The following SGCG variants were observed in gnomAD, a reference collection of about 807,000 sequenced individuals.
SGCG encodes sarcoglycan gamma.
Under a neutral mutation model 29.3 loss-of-function variants are expected in SGCG, and 26 were observed. The ratio of observed to expected loss-of-function variants is 0.89; its 90% CI spans 0.65 to 1.23. SGCG has a LOEUF of 1.23. Among genes scored for constraint, SGCG ranks in the 50% most tolerant of loss-of-function variants. The pLI is 0.00. For synonymous variants in SGCG, 145 were observed against 129.7 expected, an observed-to-expected ratio of 1.12 and a Z score of -0.80; for missense variants, 353 against 356.0, an observed-to-expected ratio of 0.99 and a Z score of 0.07.
In SGCG at chr13:23,297,063, C is replaced by G. The variant is rs1881933346; in HGVS notation, c.578+1576C>G. On this transcript the variant is annotated intron_variant, in intron 6 of 7. Coordinates refer to ENST00000218867, the MANE Select transcript of SGCG (RefSeq NM_000231.3). ...GTACAGTAGGAATCCCAGCTTTACA[C>G]AGACAAGCCGGCTGACCATGGCCAA... Among the ~76,000 whole-genome samples, 6 of 152,160 alleles carry G rather than the reference C, an allele frequency of 3.9e-5. No individual in the cohort carries two copies. In the South Asian group the frequency reaches 1.2e-3, roughly 32 times the overall value.
chr13:23,248,066 G>A (rs1194417081), intron 3 of SGCG, among the ~76,000 whole-genome samples: 2 of 151,250 alleles, frequency 1.3e-5, no homozygotes, highest in South Asian at 2.1e-4. Context: ...CTTGAGCCCA[G>A]GAGTTTGAGA....
chr13:23,205,208 T>C (rs1877940410), intron 2 of SGCG, among the ~76,000 whole-genome samples: 1 of 152,226 alleles, frequency 6.6e-6, no homozygotes, highest in African/African-American at 2.4e-5. Context: ...TTAGTTCCAC[T>C]GGACAATGTT....
intron 2 of SGCG, among the ~76,000 whole-genome samples, chr13:23,208,473 T>A (rs968816312): frequency 6.6e-6 from 1 of 152,024 alleles, no homozygotes; most frequent in Admixed American, 6.6e-5. Context: ...CAAAGAATAT[T>A]AAAAATTTAA....
chr13:23,169,947 C>T, the SGCG span: 1 of 152,360 alleles, frequency 6.6e-6, no homozygotes, highest in East Asian at 1.9e-4. Flanking sequence ...TTTTCTCTGT[C>T]CTCAGCCCTG....
At chr13:23,195,708 A>C (rs1047905050) in intron 1 of SGCG, among the ~76,000 whole-genome samples, 1 of 151,866 alleles carries the variant, frequency 6.6e-6, no homozygotes, top group African/African-American at 2.4e-5. Flanking sequence ...TAAGGGTATT[A>C]TTATTCGAGA....
intron 2 of SGCG, among the ~76,000 whole-genome samples, chr13:23,226,543 T>G (rs1213277288): frequency 6.6e-6 from 1 of 152,238 alleles, no homozygotes; most frequent in East Asian, 1.9e-4. Flanking sequence ...CTGACACTTG[T>G]GTTCAACACA....
chr13:23,286,557 A>T lies in SGCG; in HGVS notation c.505+7079A>T, dbSNP rs547204233. Among the ~76,000 whole-genome samples the T allele has an allele frequency of 7.2e-4, 110 of 152,356 alleles. 4 individuals are homozygous for T. The East Asian group carries it at 0.021, about 29-fold the overall frequency. On this transcript the variant is annotated intron_variant, in intron 5 of 7. Transcript: ENST00000218867. ...GGATACGTTCAAAGAGCCCCAGGGG[A>T]TACCTCAAGCTGCAGATAGTACTAA...
At chr13:23,225,597 C>G (rs1878862928) in intron 2 of SGCG, among the ~76,000 whole-genome samples, 1 of 152,136 alleles carries the variant, frequency 6.6e-6, no homozygotes, top group Non-Finnish European at 1.5e-5. Context: ...CCATAACACT[C>G]TTTGAGCCCT....
At chr13:23,290,658 G>A (rs58304239) in intron 5 of SGCG, among the ~76,000 whole-genome samples, 13,289 of 152,190 alleles carry the variant, frequency 0.087, 932 homozygotes, top group African/African-American at 0.19. Context: ...TTGGCTGAAC[G>A]AGAGAAATGG....
intron 3 of SGCG, among the ~76,000 whole-genome samples, chr13:23,249,016 A>G (rs1377209244): frequency 6.7e-6 from 1 of 149,154 alleles, no homozygotes; most frequent in East Asian, 2.0e-4. Context: ...AAAAAAACAA[A>G]CCTCAATTTT....
intron 1 of SGCG, among the ~76,000 whole-genome samples, chr13:23,199,324 A>G (rs926905442): frequency 6.6e-6 from 1 of 152,226 alleles, no homozygotes; most frequent in Non-Finnish European, 1.5e-5. Flanking sequence ...TAAAGGGTTT[A>G]TAAGAAGACC....
At chr13:23,273,235 A>G (rs1170731639) in intron 4 of SGCG, among the ~76,000 whole-genome samples, 1 of 150,926 alleles carries the variant, frequency 6.6e-6, no homozygotes, top group Admixed American at 6.6e-5. Flanking sequence ...CCCAGGCTTC[A>G]GTACAATGGC....
At chr13:23,186,971 G>A (rs75973684) in intron 1 of SGCG, among the ~76,000 whole-genome samples, 5,232 of 152,236 alleles carry the variant, frequency 0.034, 124 homozygotes, top group East Asian at 0.12. Context: ...CCTGGCCACC[G>A]AGTGGCTGCT....
At chr13:23,204,733 T>C (rs1877919873) in intron 2 of SGCG, among the ~76,000 whole-genome samples, 1 of 145,046 alleles carries the variant, frequency 6.9e-6, no homozygotes, top group Non-Finnish European at 1.5e-5. Flanking sequence ...TGAGACGGAG[T>C]CTCACTCTGT....
intron 4 of SGCG, chr13:23,267,491 G>C (rs1880684043): frequency 6.6e-6 from 1 of 152,174 alleles, no homozygotes; most frequent in Non-Finnish European, 1.5e-5. Flanking sequence ...ACACCGTCTT[G>C]GATCCAGAAC....
chr13:23,192,153 C>A, intron 1 of SGCG, among the ~76,000 whole-genome samples: 1 of 134,548 alleles, frequency 7.4e-6, no homozygotes, highest in South Asian at 2.5e-4. Flanking sequence ...CCAGCCTGGG[C>A]GACAGAGTGA....
chr13:23,295,178 AT>A, intron 5 of SGCG, among the ~76,000 whole-genome samples: 1 of 152,146 alleles, frequency 6.6e-6, no homozygotes, highest in Non-Finnish European at 1.5e-5. Context: ...AAGCCTGCTA[AT>A]TTGTAATTGC....
At chr13:23,196,387 G>C (rs1465343342) in intron 1 of SGCG, among the ~76,000 whole-genome samples, 1 of 149,852 alleles carries the variant, frequency 6.7e-6, no homozygotes, top group Admixed American at 6.7e-5. Flanking sequence ...GGGGGTTATT[G>C]TTAACTTTCA....
intron 3 of SGCG, among the ~76,000 whole-genome samples, chr13:23,241,570 A>C (rs2137554508): frequency 6.6e-6 from 1 of 152,352 alleles, no homozygotes; most frequent in Non-Finnish European, 1.5e-5. Flanking sequence ...AGTCCTTCTC[A>C]AACTTTTTCA....
Sources: gnomAD v4.1 joint callset for allele counts (sites outside exome capture counted in the v4.1 genomes callset) on GRCh38, gnomAD v4.1.1 for gene constraint, MANE v1.5 for transcripts, NCBI Gene and HGNC (gene_info 2026-07-23, HGNC 2026-07-21) for gene names.